The following ANKS1B variants were observed in gnomAD, a reference collection of about 807,000 sequenced individuals.
ANKS1B encodes the protein ankyrin repeat and sterile alpha motif domain containing 1B.
Under a neutral mutation model 148.3 loss-of-function variants are expected in ANKS1B, and 36 were observed. That is an observed-to-expected ratio of 0.24 (90% CI 0.19 to 0.32). ANKS1B has a LOEUF of 0.32. Ranked by LOEUF, ANKS1B falls within the 10% of genes least tolerant of loss-of-function variation. The pLI, the probability that ANKS1B is intolerant of heterozygous loss-of-function variation, is 1.00. For missense variants in ANKS1B, 1,157 were observed against 1,542.6 expected (o/e 0.75, Z 4.19); for synonymous variants, 542 against 560.8 (o/e 0.97, Z 0.47).
intron 16 of ANKS1B, among the ~76,000 whole-genome samples, chr12:99,077,381 G>A (rs552735982): frequency 2.1e-4 from 32 of 152,156 alleles, no homozygotes; most frequent in African/African-American, 7.5e-4. Context: ...AAAAGAATGA[G>A]GGTAGATGGA....
intron 17 of ANKS1B, among the ~76,000 whole-genome samples, chr12:98,953,645 T>A (rs966790975): frequency 1.3e-5 from 2 of 150,310 alleles, no homozygotes; most frequent in Non-Finnish European, 3.0e-5. Context: ...CACATTGTGA[T>A]CTAGGTCTTC....
intron 8 of ANKS1B, among the ~76,000 whole-genome samples, chr12:99,701,842 T>C (rs1306998646): frequency 1.3e-5 from 2 of 152,106 alleles, no homozygotes; most frequent in Non-Finnish European, 2.9e-5. Context: ...CGTCCTCTAG[T>C]TCCATCCATG....
intron 17 of ANKS1B, among the ~76,000 whole-genome samples, chr12:98,876,711 C>A (rs778315352): frequency 1.3e-5 from 2 of 152,136 alleles, no homozygotes; most frequent in Non-Finnish European, 2.9e-5. Context: ...CTAAAATGAT[C>A]AAGAATGTGC....
In ANKS1B at chr12:99,342,209, G is replaced by A. The variant is rs527707784; in HGVS notation, c.1756+57422C>T. 4.6e-5 allele frequency among the ~76,000 whole-genome samples: 7 copies of A among 152,108 alleles called. No individual in the cohort carries two copies. In the South Asian group the frequency reaches 1.5e-3, roughly 32 times the overall value. On this transcript the variant is annotated intron_variant, in intron 12 of 26. Transcript: ENST00000683438. ...ACTAAAAAGATATATGAAAATAAGA[G>A]AGCATTTAAATGGGAGATTTAAGCT... is the stretch of plus-strand genomic sequence containing the variant.
At chr12:99,684,368 C>CAA (rs572669891) in intron 8 of ANKS1B, among the ~76,000 whole-genome samples, 1,927 of 82,434 alleles carry the variant, frequency 0.023, 43 homozygotes, top group African/African-American at 0.068. Flanking sequence ...ACAACAGCTG[C>CAA]AAAAAAAAAA....
intron 17 of ANKS1B, among the ~76,000 whole-genome samples, chr12:98,996,976 A>G (rs2153344222): frequency 1.3e-5 from 2 of 152,272 alleles, no homozygotes; most frequent in South Asian, 4.1e-4. Context: ...CAGATGGGCT[A>G]TGTTAGTCAT....
At chr12:99,091,800 A>AT (rs1288206225) in intron 15 of ANKS1B, among the ~76,000 whole-genome samples, 2 of 83,566 alleles carry the variant, frequency 2.4e-5, no homozygotes, top group African/African-American at 8.9e-5. Flanking sequence ...TCTCACAATA[A>AT]CTCCTATGAG....
chr12:99,309,493 C>A (rs2082848535), intron 12 of ANKS1B, among the ~76,000 whole-genome samples: 1 of 151,842 alleles, frequency 6.6e-6, no homozygotes, highest in African/African-American at 2.4e-5. Context: ...CAAGGATTTT[C>A]AAGGTTAAAA....
chr12:99,519,809 A>AT (rs2096857320), intron 9 of ANKS1B, among the ~76,000 whole-genome samples: 1 of 151,698 alleles, frequency 6.6e-6, no homozygotes, highest in African/African-American at 2.4e-5. Context: ...CTTCCTTTTT[A>AT]TTTTTTGTAT....
chr12:99,411,183 C>A (rs1411849953), intron 11 of ANKS1B, among the ~76,000 whole-genome samples: 2 of 152,190 alleles, frequency 1.3e-5, no homozygotes, highest in Admixed American at 1.3e-4. Context: ...CCTTACAAAA[C>A]CCTGGGCCAG....
chr12:99,699,646 G>A (rs910687860), intron 8 of ANKS1B, among the ~76,000 whole-genome samples: 5 of 152,082 alleles, frequency 3.3e-5, no homozygotes, highest in African/African-American at 7.2e-5. Flanking sequence ...CTTGCTAAAC[G>A]ATACAAAAAT....
chr12:98,983,860 C>G (rs1344908052), intron 17 of ANKS1B, among the ~76,000 whole-genome samples: 1 of 152,230 alleles, frequency 6.6e-6, no homozygotes, highest in Non-Finnish European at 1.5e-5. Context: ...TCCTCCCTCT[C>G]CACTTTTGGT....
chr12:99,653,205 G>GA (rs1370285055), intron 9 of ANKS1B, among the ~76,000 whole-genome samples: 2 of 152,002 alleles, frequency 1.3e-5, no homozygotes, highest in Non-Finnish European at 2.9e-5. Flanking sequence ...ATCAAATTTA[G>GA]AAAAAAGCAA....
chr12:98,880,623 C>T (rs149849), intron 17 of ANKS1B, among the ~76,000 whole-genome samples: 21,762 of 151,954 alleles, frequency 0.14, 1,947 homozygotes, highest in Non-Finnish European at 0.2. Flanking sequence ...AAAAAGTTAG[C>T]TGGGCGTGGT....
intron 12 of ANKS1B, among the ~76,000 whole-genome samples, chr12:99,387,125 G>C (rs1455325160): frequency 6.6e-6 from 1 of 151,892 alleles, no homozygotes; most frequent in Non-Finnish European, 1.5e-5. Context: ...GAACGCTAGG[G>C]GGAGTATGGA....
At chr12:99,230,798 G>A (rs934699510) in intron 14 of ANKS1B, among the ~76,000 whole-genome samples, 3 of 151,928 alleles carry the variant, frequency 2.0e-5, no homozygotes, top group Non-Finnish European at 4.4e-5. Context: ...ATTTTTACAT[G>A]GGTATCCTAT....
intron 16 of ANKS1B, among the ~76,000 whole-genome samples, chr12:99,066,224 G>A (rs1407190595): frequency 3.9e-5 from 6 of 152,278 alleles, no homozygotes; most frequent in South Asian, 2.1e-4. Context: ...GTTAGGTTGA[G>A]GCGCGAGAAT....
At chr12:99,717,662 C>A (rs537904741) in intron 8 of ANKS1B, among the ~76,000 whole-genome samples, 2 of 152,208 alleles carry the variant, frequency 1.3e-5, no homozygotes, top group African/African-American at 4.8e-5. Context: ...TGGCTGAAGA[C>A]TGACACTGCC....
chr12:99,154,513 C>T, intron 14 of ANKS1B, 118 bp from the exon 15 acceptor site: 1 of 1,604,674 alleles, frequency 6.2e-7, no homozygotes, highest in Non-Finnish European at 8.5e-7. Flanking sequence ...AAGTTGCTAT[C>T]AAAGGAGCCC....
Sources: gnomAD v4.1 joint callset for allele counts (sites outside exome capture counted in the v4.1 genomes callset) on GRCh38, gnomAD v4.1.1 for gene constraint, MANE v1.5 for transcripts, NCBI Gene and HGNC (gene_info 2026-07-23, HGNC 2026-07-21) for gene names.